The following METTL15 variants were observed in gnomAD, a reference collection of about 807,000 sequenced individuals.
METTL15 encodes the protein methyltransferase 15, mitochondrial 12S rRNA N4-cytidine, also known as 12S rRNA N(4)-cytidine methyltransferase METTL15.
A neutral mutation model predicts 38.3 loss-of-function variants in METTL15; 34 were observed. The observed-to-expected ratio is 0.89, with a 90% CI of 0.68 to 1.18. The LOEUF (loss-of-function observed/expected upper bound fraction) is 1.18. Among genes scored for constraint, METTL15 ranks in the 50% most tolerant of loss-of-function variants. The pLI is 0.00. For synonymous variants in METTL15, 162 were observed against 170.9 expected (o/e 0.95, Z 0.41); for missense variants, 438 against 498.4 (o/e 0.88, Z 1.15).
At chr11:28,199,190 A>G (rs1852016747) in intron 3 of METTL15, among the ~76,000 whole-genome samples, 1 of 152,022 alleles carries the variant, frequency 6.6e-6, no homozygotes, top group Non-Finnish European at 1.5e-5. Flanking sequence ...TTTGTTTTTT[A>G]CATGAATCAA....
At chr11:28,238,727 C>T (rs1854146042) in intron 4 of METTL15, among the ~76,000 whole-genome samples, 1 of 152,188 alleles carries the variant, frequency 6.6e-6, no homozygotes, top group Non-Finnish European at 1.5e-5. Flanking sequence ...TAGACCGGAG[C>T]TGTTCCTATT....
chr11:28,521,426 T>C (rs1851764378), intron 6 of METTL15, among the ~76,000 whole-genome samples: 1 of 151,662 alleles, frequency 6.6e-6, no homozygotes. Context: ...GATGGGAGAG[T>C]TGGGTGTATA....
At chr11:28,377,965 C>T (rs1850336732) in intron 5 of METTL15, among the ~76,000 whole-genome samples, 1 of 152,164 alleles carries the variant, frequency 6.6e-6, no homozygotes, top group African/African-American at 2.4e-5. Context: ...AGTTAGGCTG[C>T]TCGGGGGTCA....
chr11:28,173,379 G>T (rs559490786), intron 3 of METTL15, among the ~76,000 whole-genome samples: 78 of 152,248 alleles, frequency 5.1e-4, no homozygotes, highest in Non-Finnish European at 8.7e-4. Flanking sequence ...CAGCAAGAAG[G>T]CACCATCTGT....
At chr11:28,259,761 G>A (rs964915201) in intron 4 of METTL15, among the ~76,000 whole-genome samples, 1 of 152,104 alleles carries the variant, frequency 6.6e-6, no homozygotes, top group Middle Eastern at 3.2e-3. Context: ...TACCTCCTCA[G>A]TGCCTCTTTC....
At chr11:28,304,812 C>T (rs1041873273) in intron 6 of METTL15, among the ~76,000 whole-genome samples, 1 of 152,036 alleles carries the variant, frequency 6.6e-6, no homozygotes, top group Non-Finnish European at 1.5e-5. Flanking sequence ...ATTTGACATC[C>T]TTTTATTGTT....
downstream of METTL15, among the ~76,000 whole-genome samples, chr11:28,334,299 C>A (rs1849880879): frequency 6.6e-6 from 1 of 151,888 alleles, no homozygotes; most frequent in South Asian, 2.1e-4. Flanking sequence ...CATACCATGA[C>A]AAACTAAGCC....
chr11:28,248,998 T>G lies in METTL15; in HGVS notation c.407+37800T>G, dbSNP rs576024761. ...TTTACTTTCTTCATTTAAACTGTAT[T>G]AAACTCACCATTCTGTGAAGCTATC... is the stretch of plus-strand genomic sequence containing the variant. On this transcript the variant is annotated intron_variant, in intron 4 of 6. Transcript: ENST00000407364. Among the ~76,000 whole-genome samples the G allele has an allele frequency of 1.2e-3, 176 of 152,070 alleles. 2 individuals are homozygous for G. Among genetic ancestry groups the G allele is most frequent in the Non-Finnish European group, 2.1e-3 (140 of 67,926 alleles).
At chr11:28,423,660 G>C (rs1342511280) in intron 5 of METTL15, among the ~76,000 whole-genome samples, 2 of 151,968 alleles carry the variant, frequency 1.3e-5, no homozygotes, top group East Asian at 1.9e-4. Context: ...TAAAACAATT[G>C]AACTGATGGA....
chr11:28,188,623 G>A (rs940838370), intron 3 of METTL15, among the ~76,000 whole-genome samples: 7 of 151,112 alleles, frequency 4.6e-5, no homozygotes, highest in East Asian at 1.9e-4. Flanking sequence ...GATATATATC[G>A]TATCAGTTTC....
chr11:28,423,831 A>G (rs567586701), intron 5 of METTL15, among the ~76,000 whole-genome samples: 5 of 151,140 alleles, frequency 3.3e-5, no homozygotes, highest in South Asian at 4.1e-4. Context: ...ATTTAACTGT[A>G]CATTTTAATA....
At chr11:28,193,361 G>A (rs1330198026) in intron 3 of METTL15, among the ~76,000 whole-genome samples, 1 of 152,128 alleles carries the variant, frequency 6.6e-6, no homozygotes, top group Non-Finnish European at 1.5e-5. Context: ...TAGGCTAAGG[G>A]CAAGCAGGCA....
intron 3 of METTL15, among the ~76,000 whole-genome samples, chr11:28,184,758 GTT>G (rs1851431704): frequency 6.6e-6 from 1 of 151,414 alleles, no homozygotes; most frequent in South Asian, 2.1e-4. Context: ...GTCCATATCT[GTT>G]CTTATGCGAA....
At chr11:28,387,158 G>C (rs747697506) in intron 5 of METTL15, among the ~76,000 whole-genome samples, 4 of 151,634 alleles carry the variant, frequency 2.6e-5, no homozygotes, top group Middle Eastern at 3.4e-3. Flanking sequence ...AATAGAAAAA[G>C]AACAAAATAA....
At chr11:28,110,757 C>T (rs1851684834) in intron 2 of METTL15, among the ~76,000 whole-genome samples, 1 of 152,160 alleles carries the variant, frequency 6.6e-6, no homozygotes, top group African/African-American at 2.4e-5. Flanking sequence ...TGTTAGAGCC[C>T]TTGAGGGAGT....
chr11:28,123,386 T>C (rs1003706884), intron 3 of METTL15, among the ~76,000 whole-genome samples: 1 of 152,116 alleles, frequency 6.6e-6, no homozygotes, highest in Non-Finnish European at 1.5e-5. Context: ...TTTACTCTTC[T>C]TCCACTGCCT....
At chr11:28,398,580 G>A (rs1344508285) in intron 5 of METTL15, among the ~76,000 whole-genome samples, 2 of 152,106 alleles carry the variant, frequency 1.3e-5, no homozygotes, top group Non-Finnish European at 2.9e-5. Flanking sequence ...TTAGCCCCTT[G>A]TCAGATGGAT....
intron 3 of METTL15, among the ~76,000 whole-genome samples, chr11:28,186,148 A>G (rs1226534854): frequency 2.6e-5 from 4 of 151,060 alleles, no homozygotes; most frequent in African/African-American, 9.7e-5. Flanking sequence ...TCAGGGAACA[A>G]ATCATCCACT....
At chr11:28,173,049 GTC>G (rs985582267) in intron 3 of METTL15, among the ~76,000 whole-genome samples, 1 of 152,084 alleles carries the variant, frequency 6.6e-6, no homozygotes, top group East Asian at 1.9e-4. Context: ...CTGATGAAAA[GTC>G]TCTAGCATAT....
Sources: allele counts gnomAD v4.1 joint callset (sites outside exome capture counted in the v4.1 genomes callset), GRCh38; gene constraint gnomAD v4.1.1; transcripts MANE v1.5; gene names NCBI Gene and HGNC (gene_info 2026-07-23, HGNC 2026-07-21).